The following DMD variants were observed in gnomAD, a reference collection of about 807,000 sequenced individuals.
DMD encodes dystrophin.
In DMD, 63 loss-of-function variants were observed where a neutral mutation model predicts 330.1. The observed-to-expected ratio is 0.19, with a 90% CI of 0.16 to 0.24. The LOEUF is 0.24. DMD is among the 10% of genes least tolerant of loss of function. DMD has a pLI of 1.00. For synonymous variants in DMD, 1,223 were observed against 959.8 expected (o/e 1.27, Z -5.07); for missense variants, 3,344 against 2,684.1 (o/e 1.25, Z -5.43).
intron 44 of DMD, among the ~76,000 whole-genome samples, chrX:31,977,633 T>C (rs186138797): frequency 8.1e-4 from 90 of 110,701 alleles, no homozygotes; most frequent in Admixed American, 7.8e-3. Context: ...CTTTTATTTT[T>C]CCCCAAGCCT....
chrX:31,710,192 G>A (rs1367932874), intron 52 of DMD, among the ~76,000 whole-genome samples: 2 of 111,711 alleles, frequency 1.8e-5, no homozygotes, highest in African/African-American at 3.3e-5. Flanking sequence ...TAACCCAGAT[G>A]AATCTGGGGG....
chrX:32,559,102 C>T (rs994895027), intron 16 of DMD, among the ~76,000 whole-genome samples: 2 of 109,403 alleles, frequency 1.8e-5, no homozygotes, highest in Admixed American at 2.0e-4. Context: ...AAGCGCCTGC[C>T]ACCATGCCTG....
At chrX:32,247,276 A>C (rs1421990004) in intron 43 of DMD, among the ~76,000 whole-genome samples, 1 of 111,769 alleles carries the variant, frequency 8.9e-6, no homozygotes, top group East Asian at 2.8e-4. Flanking sequence ...TTTCCTTGGA[A>C]GTTTGTCAAA....
chrX:33,181,876 C>A (rs1327515069), intron 1 of DMD, among the ~76,000 whole-genome samples: 6 of 111,910 alleles, frequency 5.4e-5, no homozygotes, highest in Non-Finnish European at 7.5e-5. Flanking sequence ...TTTTGACGGC[C>A]AACCCAGTGC....
At chrX:31,392,701 C>A (rs960628996) in intron 60 of DMD, among the ~76,000 whole-genome samples, 1 of 112,101 alleles carries the variant, frequency 8.9e-6, no homozygotes, top group African/African-American at 3.2e-5. Flanking sequence ...GATGGCTGTA[C>A]GTAATAAAGC....
intron 29 of DMD, among the ~76,000 whole-genome samples, chrX:32,432,506 G>A (rs1373687111): frequency 1.8e-5 from 2 of 111,616 alleles, no homozygotes; most frequent in African/African-American, 6.5e-5. Flanking sequence ...CTTTCCAGAG[G>A]GCATTACAGA....
intron 55 of DMD, among the ~76,000 whole-genome samples, chrX:31,561,193 G>C (rs2075178073): frequency 8.9e-6 from 1 of 112,072 alleles, no homozygotes; most frequent in East Asian, 2.8e-4. Context: ...TTGAACAGCT[G>C]TAGCCTCAGG....
At position 31,517,999 on chromosome X, in the gene DMD, T is replaced by C. The variant is rs750196477; in HGVS notation, c.8218-10546A>G. ...AAATAAATTAGAATGACAAAACCATTGACACCAAATGACAAGGGCATTGAC... is the reference window on the plus strand; with the variant it reads ...AAATAAATTAGAATGACAAAACCATCGACACCAAATGACAAGGGCATTGAC... On this transcript the variant is annotated intron_variant, in intron 55 of 78. Coordinates refer to ENST00000357033, the MANE Select transcript of DMD (RefSeq NM_004006.3). Among the ~76,000 whole-genome samples, 11 of 102,297 alleles carry C rather than the reference T, an allele frequency of 1.1e-4. No homozygotes were observed. In the South Asian group the frequency reaches 4.6e-3, roughly 43 times the overall value. The allele number at this position is 102,297 out of a possible 115,157, so 88.8% of individuals were successfully genotyped here.
intron 67 of DMD, among the ~76,000 whole-genome samples, chrX:31,187,821 A>C (rs2041958324): frequency 9.4e-6 from 1 of 106,640 alleles, no homozygotes; most frequent in Non-Finnish European, 1.9e-5. Flanking sequence ...GGGGCGATTT[A>C]ATAACAGTTT....
At chrX:32,118,297 A>T (rs1236671984) in intron 44 of DMD, among the ~76,000 whole-genome samples, 3 of 111,812 alleles carry the variant, frequency 2.7e-5, no homozygotes, top group Non-Finnish European at 5.6e-5. Context: ...TGGATTTTCA[A>T]TTATGCAGAG....
chrX:31,303,192 TA>T (rs1371768202), intron 62 of DMD, among the ~76,000 whole-genome samples: 2 of 111,565 alleles, frequency 1.8e-5, no homozygotes, highest in African/African-American at 3.3e-5. Context: ...CAAAACACTT[TA>T]AAAAGTGACC....
chrX:32,531,112 C>T (rs1337782617), intron 17 of DMD, among the ~76,000 whole-genome samples: 2 of 111,081 alleles, frequency 1.8e-5, no homozygotes, highest in African/African-American at 6.5e-5. Flanking sequence ...GTTTTACTTA[C>T]ACAGAAATAT....
chrX:32,473,438 G>T (rs190416292), intron 21 of DMD, among the ~76,000 whole-genome samples: 1 of 111,369 alleles, frequency 9.0e-6, no homozygotes, highest in Non-Finnish European at 1.9e-5. Flanking sequence ...CTAAATACAT[G>T]AAATCACACT....
intron 50 of DMD, among the ~76,000 whole-genome samples, chrX:31,796,200 C>T (rs1327577886): frequency 8.9e-6 from 1 of 112,068 alleles, no homozygotes; most frequent in Non-Finnish European, 1.9e-5. Context: ...AGCTGAGAGA[C>T]AGAAAAACTA....
chrX:31,451,301 A>T, intron 59 of DMD, among the ~76,000 whole-genome samples: 1 of 73,514 alleles, frequency 1.4e-5, no homozygotes, highest in East Asian at 4.2e-4. Flanking sequence ...TTTTTTTCCA[A>T]GGTGGAGTTT....
rs770363215 is a variant in DMD at position 31,388,676 on chromosome X, C to T, written c.9085-40042G>A. Reference sequence around the variant, plus strand: ...CAGCACTTTAGGAGGCCAAGGTGGGCGGATCACCTGAGGTCAGGAGTTTGA... The same window carrying T: ...CAGCACTTTAGGAGGCCAAGGTGGGTGGATCACCTGAGGTCAGGAGTTTGA... On this transcript the variant is annotated intron_variant, in intron 60 of 78. Transcript: ENST00000357033. Among the ~76,000 whole-genome samples, 5 of 111,659 alleles carry T rather than the reference C, an allele frequency of 4.5e-5. No homozygotes were observed. The East Asian group carries it at 8.5e-4, about 19-fold the overall frequency.
At chrX:32,132,685 G>A (rs965774334) in intron 44 of DMD, among the ~76,000 whole-genome samples, 7 of 110,439 alleles carry the variant, frequency 6.3e-5, no homozygotes, top group Non-Finnish European at 1.1e-4. Flanking sequence ...ACGTGGACCT[G>A]CGCTGGAGAT....
At chrX:32,825,039 C>G (rs1411965679) in intron 4 of DMD, among the ~76,000 whole-genome samples, 1 of 111,825 alleles carries the variant, frequency 8.9e-6, no homozygotes, top group Non-Finnish European at 1.9e-5. Flanking sequence ...TTTTGGCTAT[C>G]TGCCAGGCAA....
chrX:32,147,457 C>T (rs1382025316), intron 44 of DMD, among the ~76,000 whole-genome samples: 1 of 111,761 alleles, frequency 8.9e-6, no homozygotes, highest in African/African-American at 3.3e-5. Context: ...GCTTAAAATA[C>T]TTGATTTTGT....
Sources: allele counts gnomAD v4.1 joint callset (sites outside exome capture counted in the v4.1 genomes callset), GRCh38; gene constraint gnomAD v4.1.1; transcripts MANE v1.5; gene names NCBI Gene and HGNC (gene_info 2026-07-23, HGNC 2026-07-21).